RPS6KA2: variants seen among roughly 807,000 people sequenced by gnomAD.
The protein encoded by RPS6KA2 is ribosomal protein S6 kinase A2, also known as ribosomal protein S6 kinase alpha-2.
In RPS6KA2, 42 loss-of-function variants were observed where a neutral mutation model predicts 91.8. The observed-to-expected ratio is 0.46, with a 90% confidence interval of 0.36 to 0.59. The LOEUF (loss-of-function observed/expected upper bound fraction) is 0.59, where lower values mean the gene tolerates loss of function less well. RPS6KA2 is among the 20% of genes least tolerant of loss of function. The probability of loss-of-function intolerance (pLI) is 0.00; values close to 1 mark genes in which losing one functional copy is unlikely to be tolerated. For synonymous variants in RPS6KA2, 414 were observed against 393.6 expected (o/e 1.05, Z -0.61); for missense variants, 798 against 978.5 (o/e 0.82, Z 2.46).
At chr6:166,717,733 C>G (rs1583046437) in intron 2 of RPS6KA2, among the ~76,000 whole-genome samples, 1 of 152,202 alleles carries the variant, frequency 6.6e-6, no homozygotes, top group Non-Finnish European at 1.5e-5. Context: ...TGAAATGACC[C>G]AGAAATTTTA....
At position 166,412,800 on chromosome 6, in the gene RPS6KA2, G is replaced by C. The variant is rs768306540; in HGVS notation, c.2164C>G (p.Arg722Gly). 6 of 1,594,576 alleles carry C rather than the reference G, an allele frequency of 3.8e-6. No homozygotes were observed. The highest frequency in any genetic ancestry group is 4.3e-6 in the Non-Finnish European group (5 of 1,172,014). ...EPVLSSNLAQ[R>G]RGMKRLTSTR... ...GACGTGAGTCTCTTCATGCCTCTGCGCTGAGCCAGGTTGGATGACAGCACG... is the reference window on the plus strand; with the variant it reads ...GACGTGAGTCTCTTCATGCCTCTGCCCTGAGCCAGGTTGGATGACAGCACG... Residue 722 changes from arginine (R) to glycine (G), a missense_variant, in exon 21 of 21, where the codon CGC becomes GGC. By Grantham distance (125) the Arg-to-Gly change is moderately radical (BLOSUM62 -2). Transcript: ENST00000265678. This position sits in a 1 kb window ranked among gnomAD's most constrained non-coding sequence, Gnocchi z 4.3.
At chr6:166,454,456 C>T (rs1409223729) in intron 12 of RPS6KA2, among the ~76,000 whole-genome samples, 2 of 152,124 alleles carry the variant, frequency 1.3e-5, no homozygotes, top group Admixed American at 6.5e-5. Flanking sequence ...CAAGATCGCA[C>T]CACTGCACTC....
At chr6:166,842,482 C>T (rs1325413072) in intron 2 of RPS6KA2, among the ~76,000 whole-genome samples, 1 of 152,188 alleles carries the variant, frequency 6.6e-6, no homozygotes, top group East Asian at 1.9e-4. Flanking sequence ...CAGCAGCCAG[C>T]CCTGTGGATG....
chr6:166,712,678 T>C (rs994689888), intron 2 of RPS6KA2, among the ~76,000 whole-genome samples: 6 of 152,132 alleles, frequency 3.9e-5, no homozygotes, highest in African/African-American at 1.4e-4. Context: ...CCCTGCACTA[T>C]CTCTTGATGT....
chr6:166,411,037 C>T lies in RPS6KA2; in HGVS notation c.*1725G>A, dbSNP rs1398049893. ...TCTATGGAGAAAATGTGAGGAATAC[C>T]CTGTGGGCACTATGGAAACAGGTAT... On this transcript the variant is annotated 3_prime_UTR_variant, in exon 21 of 21. Coordinates refer to ENST00000265678, the MANE Select transcript of RPS6KA2 (RefSeq NM_021135.6). The surrounding 1 kb of genome is among the most constrained non-coding windows in gnomAD (Gnocchi z 4.5). The T allele has an allele frequency of 2.0e-5, 3 of 151,878 alleles. No individual in the cohort carries two copies. The highest frequency in any genetic ancestry group is 7.3e-5 in the African/African-American group (3 of 41,332). 9.4% of individuals were successfully genotyped at this position (151,878 alleles called of 1,614,324 possible).
chr6:166,740,100 A>C (rs1393260051), intron 2 of RPS6KA2, among the ~76,000 whole-genome samples: 1 of 152,216 alleles, frequency 6.6e-6, no homozygotes, highest in East Asian at 1.9e-4. Context: ...CTCTATGAAC[A>C]TGCTCTTCGT....
chr6:166,757,892 C>T (rs547683602), intron 2 of RPS6KA2: 5 of 254,664 alleles, frequency 2.0e-5, no homozygotes, highest in African/African-American at 6.9e-5. Flanking sequence ...TGGCCTTCTC[C>T]TCTGATGAGA....
chr6:166,828,102 G>A (rs1387022627), intron 2 of RPS6KA2, among the ~76,000 whole-genome samples: 1 of 152,214 alleles, frequency 6.6e-6, no homozygotes, highest in African/African-American at 2.4e-5. Flanking sequence ...ACCCATGGAT[G>A]AGATCTCATG....
At chr6:166,457,518 G>T (rs1562507019) in intron 12 of RPS6KA2, among the ~76,000 whole-genome samples, 1 of 152,214 alleles carries the variant, frequency 6.6e-6, no homozygotes, top group Non-Finnish European at 1.5e-5. Flanking sequence ...ATTACATCAT[G>T]AATCAGTGAT....
rs1337194712 is a variant in RPS6KA2 at position 166,573,969 on chromosome 6, A to G, written c.100-35185T>C. ...CAAAGAGCAGCCACGCAGGATCTTT[A>G]AAAGGACTCTCAGTCCTAACAGCTC... On this transcript the variant is annotated intron_variant, in intron 1 of 20. Coordinates refer to ENST00000265678, the MANE Select transcript of RPS6KA2 (RefSeq NM_021135.6). Among the ~76,000 whole-genome samples the G allele has an allele frequency of 2.6e-5, 4 of 152,126 alleles. No homozygotes were observed. In the South Asian group the frequency reaches 8.3e-4, roughly 32 times the overall value.
intron 2 of RPS6KA2, among the ~76,000 whole-genome samples, chr6:166,636,949 G>A (rs751427962): frequency 9.8e-5 from 15 of 152,354 alleles, no homozygotes; most frequent in Admixed American, 1.3e-4. Flanking sequence ...CCCTGACACT[G>A]CTCCGGTCTC....
At chr6:166,567,604 A>C (rs577718687) in intron 1 of RPS6KA2, among the ~76,000 whole-genome samples, 1 of 152,202 alleles carries the variant, frequency 6.6e-6, no homozygotes, top group Admixed American at 6.5e-5. Flanking sequence ...AGCTTAAAAC[A>C]GAGAGTAGTA....
rs939877015 is a variant in RPS6KA2 at position 166,747,361 on chromosome 6, A to G, written c.123+110839T>C. Among the ~76,000 whole-genome samples the G allele has an allele frequency of 4.6e-5, 7 of 152,200 alleles. No homozygotes were observed. In the East Asian group the frequency reaches 1.2e-3, roughly 25 times the overall value. On this transcript the variant is annotated intron_variant, in intron 2 of 21. Coordinates refer to the RPS6KA2 transcript ENST00000503859. ...ACATATATGTATTTTGGTATCGCAGATACTGCCTGCCTCAAGGATTGTCAG... is the reference window on the plus strand; with the variant it reads ...ACATATATGTATTTTGGTATCGCAGGTACTGCCTGCCTCAAGGATTGTCAG...
intron 2 of RPS6KA2, among the ~76,000 whole-genome samples, chr6:166,647,665 AC>A (rs1331778476): frequency 6.6e-6 from 1 of 152,166 alleles, no homozygotes; most frequent in African/African-American, 2.4e-5. Flanking sequence ...AAATAGCCCC[AC>A]CATTTAGCCA....
Position 166,640,392 on chromosome 6 carries a change from A to G in RPS6KA2, c.124-101608T>C, listed in dbSNP as rs77970283. Among the ~76,000 whole-genome samples the G allele has an allele frequency of 3.6e-3, 544 of 152,354 alleles. 2 individuals carry two copies. The highest frequency in any genetic ancestry group is 0.013 in the African/African-American group (527 of 41,590). On this transcript the variant is annotated intron_variant, in intron 2 of 21. Transcript: ENST00000503859. Reference sequence around the variant, plus strand: ...CTCTACTAGAGATGAGAACTTGATGAACACGTAAAAGCCAGACAGGGGGAG... The same window carrying G: ...CTCTACTAGAGATGAGAACTTGATGGACACGTAAAAGCCAGACAGGGGGAG...
At chr6:166,840,807 C>CA (rs928270476) in intron 2 of RPS6KA2, among the ~76,000 whole-genome samples, 3 of 151,824 alleles carry the variant, frequency 2.0e-5, no homozygotes, top group African/African-American at 7.3e-5. Flanking sequence ...ACTAAAAATA[C>CA]AAAAAATTAG....
chr6:166,570,741 C>T (rs1784662670), intron 1 of RPS6KA2, among the ~76,000 whole-genome samples: 1 of 152,090 alleles, frequency 6.6e-6, no homozygotes, highest in African/African-American at 2.4e-5. Flanking sequence ...CAAAGATTTA[C>T]TCCTAAATAT....
chr6:166,794,104 A>C (rs1247171544), intron 2 of RPS6KA2, among the ~76,000 whole-genome samples: 3 of 142,648 alleles, frequency 2.1e-5, no homozygotes, highest in African/African-American at 7.5e-5. Context: ...CAACCTACTC[A>C]TCTGACAAAG....
In RPS6KA2 at chr6:166,648,088, A is replaced by G. The variant is rs989557135; in HGVS notation, c.124-109304T>C. Among the ~76,000 whole-genome samples the G allele has an allele frequency of 6.9e-6, 1 of 145,344 alleles. No individual in the cohort carries two copies. The highest frequency in any genetic ancestry group is 1.5e-5 in the Non-Finnish European group (1 of 66,090). ...CACATGCACACGCACATGGTCATAC[A>G]CACACGCTCATACACACACGTGCAC... is the stretch of plus-strand genomic sequence containing the variant. On this transcript the variant is annotated intron_variant, in intron 2 of 21. Coordinates refer to the RPS6KA2 transcript ENST00000503859. This position sits in a 1 kb window ranked among gnomAD's most constrained non-coding sequence, Gnocchi z 4.8.
Sources: allele counts gnomAD v4.1 joint callset (sites outside exome capture counted in the v4.1 genomes callset), GRCh38; gene constraint gnomAD v4.1.1; non-coding constraint Gnocchi (gnomAD v3.1); transcripts MANE v1.5; gene names NCBI Gene and HGNC (gene_info 2026-07-23, HGNC 2026-07-21).